ANKRD18A: variants seen among roughly 807,000 people sequenced by gnomAD.
ANKRD18A encodes ankyrin repeat domain 18A, also known as ankyrin repeat domain-containing protein 18A.
Under a neutral mutation model 110.6 loss-of-function variants are expected in ANKRD18A, and 72 were observed. The ratio of observed to expected loss-of-function variants is 0.65; its 90% CI spans 0.54 to 0.79. The LOEUF is 0.79. Ranked by LOEUF, ANKRD18A falls within the 30% of genes least tolerant of loss-of-function variation. The probability of loss-of-function intolerance (pLI) is 0.00; values close to 1 mark genes in which losing one functional copy is unlikely to be tolerated. For missense variants in ANKRD18A, 934 were observed against 1,163.3 expected, an observed-to-expected ratio of 0.80 and a Z score of 2.87; for synonymous variants, 305 against 410.3, an observed-to-expected ratio of 0.74 and a Z score of 3.10.
chr9:38,571,252 A>G, downstream of ANKRD18A: 1 of 1,470,048 alleles, frequency 6.8e-7, no homozygotes, highest in Non-Finnish European at 8.9e-7. Flanking sequence ...CAGAAAGTAA[A>G]AAAGTGCTGA....
chr9:38,589,148 C>T (rs922657292), intron 10 of ANKRD18A, among the ~76,000 whole-genome samples: 7 of 152,064 alleles, frequency 4.6e-5, no homozygotes, highest in African/African-American at 4.8e-5. Flanking sequence ...GAGTATTCAC[C>T]GGTAGGTTTC....
intron 8 of ANKRD18A, among the ~76,000 whole-genome samples, chr9:38,600,138 G>A (rs577106448): frequency 3.9e-4 from 59 of 152,296 alleles, no homozygotes; most frequent in African/African-American, 1.3e-3. Context: ...TAATATAGGG[G>A]AAAAACGTGA....
chr9:38,600,283 T>C (rs1211755218), intron 8 of ANKRD18A, among the ~76,000 whole-genome samples: 5 of 152,196 alleles, frequency 3.3e-5, no homozygotes, highest in South Asian at 2.1e-4. Flanking sequence ...TACCTCAGCA[T>C]ACCCTAAATA....
At position 38,620,297 on chromosome 9, in the gene ANKRD18A, C is replaced by T; in HGVS notation, c.-12G>A. ...AAGAGCTTCCTCATGGTGGCGACTTCTCAGACGCCCACCACCCGCTCCTGA... is the reference window on the plus strand; with the variant it reads ...AAGAGCTTCCTCATGGTGGCGACTTTTCAGACGCCCACCACCCGCTCCTGA... On this transcript the variant is annotated 5_prime_UTR_variant, in exon 1 of 16. Transcript: ENST00000399703. 2.6e-6 allele frequency: 4 copies of T among 1,549,554 alleles called. No homozygotes were observed. Among genetic ancestry groups the T allele is most frequent in the Non-Finnish European group, 3.5e-6 (4 of 1,145,924 alleles).
At position 38,578,270 on chromosome 9, in the gene ANKRD18A, T is replaced by A. The variant is rs962461829; in HGVS notation, c.2248-122A>T. ...AAAATGTTATCTATAATGTAGTAGATTCTTCAAATGTGAACCCTTAAATTA... is the reference window on the plus strand; with the variant it reads ...AAAATGTTATCTATAATGTAGTAGAATCTTCAAATGTGAACCCTTAAATTA... On this transcript the variant is annotated intron_variant, in intron 12 of 15. Transcript: ENST00000399703. 11 of 961,412 alleles carry A rather than the reference T, an allele frequency of 1.1e-5. No individual in the cohort carries two copies. In the Admixed American group the frequency reaches 2.1e-4, roughly 19 times the overall value. 59.6% of individuals were successfully genotyped at this position (961,412 alleles called of 1,614,324 possible).
chr9:38,614,429 C>T, intron 3 of ANKRD18A, among the ~76,000 whole-genome samples: 1 of 152,068 alleles, frequency 6.6e-6, no homozygotes, highest in Non-Finnish European at 1.5e-5. Flanking sequence ...ACTACAGGAA[C>T]ATGCCACAGT....
downstream of ANKRD18A, among the ~76,000 whole-genome samples, chr9:38,569,957 C>T (rs1367741658): frequency 2.6e-5 from 4 of 152,296 alleles, no homozygotes; most frequent in East Asian, 1.9e-4. Flanking sequence ...CATCTTCTCA[C>T]GTTCTCTTTC....
At chr9:38,617,020 G>A (rs144854975) in intron 1 of ANKRD18A, among the ~76,000 whole-genome samples, 13 of 152,240 alleles carry the variant, frequency 8.5e-5, no homozygotes, top group Admixed American at 3.9e-4. Flanking sequence ...ATACACAGCA[G>A]GTCTAGGGCA....
chr9:38,593,896 T>C lies in ANKRD18A; in HGVS notation c.1868A>G (p.Glu623Gly), dbSNP rs759841664. The change falls in exon 10 of 16, where the codon GAA becomes GGA. Residue 623 changes from glutamate (E) to glycine (G), a missense_variant. Transcript: ENST00000399703. ...EKAEREVIVR[E>G]FQEELVDHLK... ...GTGATCGACCAGTTCTTCTTGAAAT[T>C]CTCTCACAATCACCTGACAAAATAT... The C allele has an allele frequency of 6.7e-7, 1 of 1,484,228 alleles. No homozygotes were observed. Among genetic ancestry groups the C allele is most frequent in the South Asian group, 1.5e-5 (1 of 68,038 alleles). 91.9% of individuals were successfully genotyped at this position (1,484,228 alleles called of 1,614,324 possible).
intron 1 of ANKRD18A, among the ~76,000 whole-genome samples, chr9:38,616,765 A>G (rs1825873747): frequency 6.6e-6 from 1 of 152,214 alleles, no homozygotes; most frequent in African/African-American, 2.4e-5. Context: ...AGATGTTATA[A>G]TTATATTACT....
chr9:38,577,180 C>T lies in ANKRD18A; in HGVS notation c.2614G>A (p.Asp872Asn). ...SLKKKELTLK[D>N]VECKFSKMKT... is the part of the protein sequence containing the mutation. ...ATTTTGGAGAATTTACATTCCACAT[C>T]TTTAAGTGTGAGTTCCTTCTTTTTT... is the stretch of plus-strand genomic sequence containing the variant. The change falls in exon 14 of 16, where the codon GAT becomes AAT. Residue 872 changes from aspartate to asparagine, a missense_variant. Asp to Asn is a conservative substitution (Grantham distance 23). Coordinates refer to ENST00000399703, the MANE Select transcript of ANKRD18A (RefSeq NM_147195.4). 2 of 1,548,550 alleles carry T rather than the reference C, an allele frequency of 1.3e-6. No homozygotes were observed. The highest frequency in any genetic ancestry group is 2.5e-5 in the East Asian group (1 of 40,776).
At chr9:38,577,717 GAA>G (rs1563955569) in intron 13 of ANKRD18A, 148 bp downstream of exon 13, 2 of 834,064 alleles carry the variant, frequency 2.4e-6, no homozygotes, top group South Asian at 5.6e-5. Context: ...TATTTAAAAG[GAA>G]AAAAGTCACT....
downstream of ANKRD18A, chr9:38,566,749 A>G (rs886970019): frequency 1.3e-5 from 2 of 152,356 alleles, no homozygotes; most frequent in Middle Eastern, 3.4e-3. Context: ...ATCTTTGTGC[A>G]AGGCAAAGAA....
chr9:38,583,791 A>C (rs1394394041), intron 12 of ANKRD18A, among the ~76,000 whole-genome samples: 8 of 152,238 alleles, frequency 5.3e-5, no homozygotes, highest in Non-Finnish European at 1.2e-4. Context: ...ACAATGGAAT[A>C]TTTCTCAGCA....
chr9:38,574,301 A>T (rs1823785448), intron 15 of ANKRD18A, among the ~76,000 whole-genome samples: 1 of 152,214 alleles, frequency 6.6e-6, no homozygotes, highest in African/African-American at 2.4e-5. Flanking sequence ...GGATTTTCAA[A>T]CTACCTTGGG....
At chr9:38,596,474 A>G in intron 8 of ANKRD18A, 71 bp from the exon 9 acceptor site, 1 of 1,269,764 alleles carries the variant, frequency 7.9e-7, no homozygotes. Flanking sequence ...TCTGAAGTGA[A>G]AGAGCAATCT....
intron 12 of ANKRD18A, among the ~76,000 whole-genome samples, chr9:38,580,278 TA>T (rs2118676206): frequency 6.6e-6 from 1 of 152,304 alleles, no homozygotes; most frequent in South Asian, 2.1e-4. Flanking sequence ...TGCACGCCCA[TA>T]ATCCTAGCTG....
chr9:38,569,562 C>G, downstream of ANKRD18A: 2 of 568,910 alleles, frequency 3.5e-6, no homozygotes, highest in Non-Finnish European at 4.5e-6. Flanking sequence ...CACAACCCAC[C>G]ACAACAGGAG....
rs1825560636 is a variant in ANKRD18A at position 38,610,399 on chromosome 9, A to G, written c.614T>C (p.Ile205Thr). The change falls in exon 5 of 16, where the codon ATA becomes ACA. Residue 205 changes from isoleucine (I) to threonine (T), a missense_variant. Ile to Thr is a moderately conservative substitution (Grantham distance 89). Around this residue, in one of 4 missense-constraint regions of ANKRD18A, gnomAD observed 630 missense variants for 797.5 expected, o/e 0.79. Coordinates refer to ENST00000399703, the MANE Select transcript of ANKRD18A (RefSeq NM_147195.4). ...TGACAAGTTATGCTGTACTGCAAGT[A>G]TGAGGGCTGTTCTAAAATAATAAAG... The part of the protein sequence containing the change: ...AVDNFKRTAL[I>T]LAVQHNLSSI... The G allele has an allele frequency of 2.9e-5, 45 of 1,543,978 alleles. No homozygotes were observed. Among genetic ancestry groups the G allele is most frequent in the Non-Finnish European group, 3.9e-5 (45 of 1,145,070 alleles).
Sources: gnomAD v4.1 joint callset for allele counts (sites outside exome capture counted in the v4.1 genomes callset) on GRCh38, gnomAD v4.1.1 for gene constraint, gnomAD v4.1.1 regional missense constraint, MANE v1.5 for transcripts, NCBI Gene and HGNC (gene_info 2026-07-23, HGNC 2026-07-21) for gene names.